Variants in CCDC91 observed in about 807,000 individuals in gnomAD.
CCDC91 encodes coiled-coil domain containing 91, also known as coiled-coil domain-containing protein 91.
In CCDC91, 48 loss-of-function variants were observed where a neutral mutation model predicts 63.2. The observed-to-expected ratio is 0.76, with a 90% confidence interval of 0.60 to 0.97. CCDC91 has a LOEUF of 0.97. CCDC91 is among the 50% of genes least tolerant of loss of function. CCDC91 has a pLI of 0.00. For missense variants in CCDC91, 500 were observed against 494.6 expected, an observed-to-expected ratio of 1.01 and a Z score of -0.10; for synonymous variants, 167 against 165.8, an observed-to-expected ratio of 1.01 and a Z score of -0.06.
At chr12:28,353,090 T>C (rs1165013450) in intron 6 of CCDC91, among the ~76,000 whole-genome samples, 2 of 152,224 alleles carry the variant, frequency 1.3e-5, no homozygotes, top group African/African-American at 4.8e-5. Context: ...TACTTGCTGC[T>C]TCACCTGACA....
At chr12:28,248,018 C>T (rs139053036) in intron 1 of CCDC91, among the ~76,000 whole-genome samples, 78 of 152,238 alleles carry the variant, frequency 5.1e-4, no homozygotes, top group African/African-American at 1.8e-3. Context: ...GCTGTGCAGC[C>T]TGGTTCCTAA....
intron 8 of CCDC91, among the ~76,000 whole-genome samples, chr12:28,415,585 A>T (rs775628533): frequency 6.6e-6 from 1 of 152,204 alleles, no homozygotes; most frequent in Non-Finnish European, 1.5e-5. Flanking sequence ...TCCATGAAAA[A>T]AATAATTATA....
intron 11 of CCDC91, among the ~76,000 whole-genome samples, chr12:28,466,762 A>G (rs1950569322): frequency 6.6e-6 from 1 of 152,106 alleles, no homozygotes; most frequent in African/African-American, 2.4e-5. Context: ...GCAATAAGAA[A>G]TCATCTGAAT....
intron 6 of CCDC91, among the ~76,000 whole-genome samples, chr12:28,336,312 C>G (rs1941978199): frequency 6.6e-6 from 1 of 151,934 alleles, no homozygotes; most frequent in South Asian, 2.1e-4. Context: ...GTACTCTAAT[C>G]AGAATAATAA....
At chr12:28,487,924 T>C (rs1037809617) in intron 12 of CCDC91, among the ~76,000 whole-genome samples, 2 of 151,934 alleles carry the variant, frequency 1.3e-5, no homozygotes, top group African/African-American at 4.8e-5. Context: ...ATCTTTTTTT[T>C]AGTCTTTTGC....
intron 7 of CCDC91, among the ~76,000 whole-genome samples, chr12:28,365,435 C>G (rs1944212465): frequency 6.6e-6 from 1 of 152,012 alleles, no homozygotes; most frequent in South Asian, 2.1e-4. Flanking sequence ...CTCACAATAA[C>G]AAGAAAAGTA....
chr12:28,231,284 A>G (rs1015554281), intron 1 of CCDC91, among the ~76,000 whole-genome samples: 3 of 152,160 alleles, frequency 2.0e-5, no homozygotes, highest in Non-Finnish European at 2.9e-5. Context: ...TTTTAAATGG[A>G]CTTTCCATAG....
At position 28,415,253 on chromosome 12, in the gene CCDC91, T is replaced by C. The variant is rs542886480; in HGVS notation, c.762+23842T>C. 1.2e-3 allele frequency among the ~76,000 whole-genome samples: 190 copies of C among 152,040 alleles called. 1 individual carries two copies. The highest frequency in any genetic ancestry group is 4.5e-3 in the African/African-American group (185 of 41,488). On this transcript the variant is annotated intron_variant, in intron 8 of 12. Coordinates refer to ENST00000536442, the MANE Select transcript of CCDC91 (RefSeq NM_018318.5). ...TTTTTTTTTTTTTGAGATGGAGTTT[T>C]GCTGTTGTTGCCCAGGCTGGAGTGC...
intron 1 of CCDC91, among the ~76,000 whole-genome samples, chr12:28,226,403 A>G (rs1271556278): frequency 3.3e-5 from 5 of 152,138 alleles, no homozygotes; most frequent in African/African-American, 9.7e-5. Flanking sequence ...TTTGACCTCT[A>G]TGACATATGT....
intron 1 of CCDC91, among the ~76,000 whole-genome samples, chr12:28,206,067 A>G (rs1942825205): frequency 6.6e-6 from 1 of 152,204 alleles, no homozygotes; most frequent in Non-Finnish European, 1.5e-5. Flanking sequence ...TTACAGGGGA[A>G]AAACAAACCA....
At chr12:28,280,982 A>G (rs900497564) in intron 3 of CCDC91, among the ~76,000 whole-genome samples, 1 of 152,040 alleles carries the variant, frequency 6.6e-6, no homozygotes, top group African/African-American at 2.4e-5. Flanking sequence ...GTCTAAAAAA[A>G]TAAATAAATA....
At position 28,450,431 on chromosome 12, in the gene CCDC91, G is replaced by T; in HGVS notation, c.924+13G>T. The T allele has an allele frequency of 3.2e-6, 5 of 1,585,608 alleles. No individual in the cohort carries two copies. The highest frequency in any genetic ancestry group is 4.3e-6 in the Non-Finnish European group (5 of 1,154,630). On this transcript the variant is annotated intron_variant, in intron 10 of 12. Transcript: ENST00000536442. ...ATCCGCTGCAAAGGTATTTCCATCT[G>T]TAATAGTGGGTTGCTTGTAAGTAAG...
intron 12 of CCDC91, among the ~76,000 whole-genome samples, chr12:28,537,842 A>AT (rs1393353932): frequency 6.6e-6 from 1 of 152,160 alleles, no homozygotes; most frequent in East Asian, 1.9e-4. Flanking sequence ...ACTGTTGATG[A>AT]TTTCGCCCAA....
intron 12 of CCDC91, among the ~76,000 whole-genome samples, chr12:28,546,659 G>A (rs1943009586): frequency 6.6e-6 from 1 of 151,938 alleles, no homozygotes; most frequent in South Asian, 2.1e-4. Flanking sequence ...CAATCTTAAT[G>A]TCTGTGAATA....
intron 8 of CCDC91, among the ~76,000 whole-genome samples, chr12:28,437,242 ATT>A (rs1389578134): frequency 2.0e-5 from 3 of 151,914 alleles, no homozygotes; most frequent in Non-Finnish European, 4.4e-5. Flanking sequence ...ATAATTTTAT[ATT>A]TTTTCTTCAA....
intron 1 of CCDC91, chr12:28,191,153 A>G (rs1180035392): frequency 6.6e-6 from 1 of 152,234 alleles, no homozygotes; most frequent in East Asian, 1.9e-4. Context: ...GGAGCCAGTA[A>G]CTTTGCCAAG....
chr12:28,259,120 C>T (rs954701305), intron 2 of CCDC91, among the ~76,000 whole-genome samples: 1 of 151,800 alleles, frequency 6.6e-6, no homozygotes, highest in Admixed American at 6.6e-5. Context: ...AAAATATTGA[C>T]TAACAGTAGA....
chr12:28,274,273 A>G (rs1001911781), intron 3 of CCDC91, among the ~76,000 whole-genome samples: 3 of 152,066 alleles, frequency 2.0e-5, no homozygotes, highest in Non-Finnish European at 4.4e-5. Flanking sequence ...GTCAGGTAGC[A>G]TGATGCCTCC....
intron 3 of CCDC91, among the ~76,000 whole-genome samples, chr12:28,271,869 AAATACATACTC>A (rs1947790451): frequency 6.7e-6 from 1 of 149,596 alleles, no homozygotes; most frequent in Admixed American, 6.7e-5. Flanking sequence ...TATGCATATG[AAATACATACTC>A]AATACATAAT....
Sources: allele counts gnomAD v4.1 joint callset (sites outside exome capture counted in the v4.1 genomes callset), GRCh38; gene constraint gnomAD v4.1.1; transcripts MANE v1.5; gene names NCBI Gene and HGNC (gene_info 2026-07-23, HGNC 2026-07-21).